The following PAPPA2 variants were observed in gnomAD, a reference collection of about 807,000 sequenced individuals.
PAPPA2 encodes the protein pappalysin 2.
PAPPA2 carries 86 observed loss-of-function variants against 176.4 expected under a neutral mutation model. That is an observed-to-expected ratio of 0.49 (90% CI 0.41 to 0.58). The LOEUF (loss-of-function observed/expected upper bound fraction) is 0.58. Ranked by LOEUF, PAPPA2 falls within the 20% of genes least tolerant of loss-of-function variation. The pLI is 0.00. For missense variants in PAPPA2, 2,073 were observed against 2,256.9 expected (o/e 0.92, Z 1.65); for synonymous variants, 809 against 852.2 (o/e 0.95, Z 0.88).
At chr1:176,753,890 A>G (rs12030283) in intron 14 of PAPPA2, among the ~76,000 whole-genome samples, 2 of 152,102 alleles carry the variant, frequency 1.3e-5, no homozygotes, top group South Asian at 2.1e-4. Context: ...TGATTTGTCC[A>G]TAAAATAAGA....
intron 17 of PAPPA2, among the ~76,000 whole-genome samples, chr1:176,778,023 A>AAAAAC (rs1292224229): frequency 1.3e-5 from 2 of 151,566 alleles, no homozygotes; most frequent in East Asian, 1.9e-4. Context: ...TTCCTATGCT[A>AAAAAC]AAAACAAAAC....
At chr1:176,517,492 G>C (rs1648979781) in intron 1 of PAPPA2, among the ~76,000 whole-genome samples, 1 of 152,132 alleles carries the variant, frequency 6.6e-6, no homozygotes, top group Admixed American at 6.5e-5. Context: ...ATATTAAAAA[G>C]GAAACTATCA....
At chr1:176,710,417 G>T (rs1005312018) in intron 11 of PAPPA2, among the ~76,000 whole-genome samples, 2 of 152,140 alleles carry the variant, frequency 1.3e-5, no homozygotes, top group Admixed American at 1.3e-4. Context: ...AACACCATTT[G>T]CACTGTTTCA....
intron 3 of PAPPA2, among the ~76,000 whole-genome samples, chr1:176,634,805 GATAGATAGATAGAT>G (rs1656571562): frequency 8.0e-6 from 1 of 125,194 alleles, no homozygotes; most frequent in African/African-American, 3.1e-5. Context: ...GAGAGAGATA[GATAGATAGATAGAT>G]AGATAGATAG....
chr1:176,695,689 A>C, intron 6 of PAPPA2, 49 bp from the exon 7 acceptor site: 2 of 1,603,704 alleles, frequency 1.2e-6, no homozygotes, highest in South Asian at 2.2e-5. Flanking sequence ...ATCCCAACTC[A>C]TCTGATGGAC....
chr1:176,628,390 G>A (rs980982669), intron 3 of PAPPA2, among the ~76,000 whole-genome samples: 1 of 152,074 alleles, frequency 6.6e-6, no homozygotes, highest in East Asian at 1.9e-4. Context: ...TTCAATTAAT[G>A]AACTTGTTAT....
intron 1 of PAPPA2, among the ~76,000 whole-genome samples, chr1:176,491,147 A>G (rs1647270230): frequency 6.6e-6 from 1 of 152,232 alleles, no homozygotes; most frequent in Admixed American, 6.5e-5. Context: ...TCAGACATTT[A>G]CTACATGCTG....
intron 1 of PAPPA2, among the ~76,000 whole-genome samples, chr1:176,507,443 C>T (rs1250398563): frequency 6.6e-6 from 1 of 151,968 alleles, no homozygotes; most frequent in Non-Finnish European, 1.5e-5. Flanking sequence ...TGGGTATATA[C>T]CTAAAGGAAA....
At chr1:176,561,273 T>C (rs1053468847) in intron 2 of PAPPA2, among the ~76,000 whole-genome samples, 1 of 152,150 alleles carries the variant, frequency 6.6e-6, no homozygotes, top group Non-Finnish European at 1.5e-5. Flanking sequence ...TAAGACAAAG[T>C]CTTGCAGAGT....
At chr1:176,561,803 C>G (rs1263941370) in intron 2 of PAPPA2, among the ~76,000 whole-genome samples, 1 of 152,124 alleles carries the variant, frequency 6.6e-6, no homozygotes, top group Admixed American at 6.5e-5. Context: ...TAAAGACATA[C>G]CTGAGACTGG....
chr1:176,481,452 C>G (rs1169231107), intron 1 of PAPPA2, among the ~76,000 whole-genome samples: 2 of 151,948 alleles, frequency 1.3e-5, no homozygotes, highest in Non-Finnish European at 2.9e-5. Context: ...CCAGGGACAT[C>G]TAGTGTGGCC....
At chr1:176,810,591 A>C (rs1666106503) in intron 21 of PAPPA2, among the ~76,000 whole-genome samples, 1 of 152,090 alleles carries the variant, frequency 6.6e-6, no homozygotes, top group African/African-American at 2.4e-5. Context: ...CTCTTCCACC[A>C]CTCACCTCCT....
At chr1:176,528,844 T>C (rs1162750897) in intron 1 of PAPPA2, among the ~76,000 whole-genome samples, 2 of 152,164 alleles carry the variant, frequency 1.3e-5, no homozygotes, top group Non-Finnish European at 2.9e-5. Flanking sequence ...CCATGCCTTC[T>C]CCCTGGAATG....
intron 21 of PAPPA2, among the ~76,000 whole-genome samples, chr1:176,816,695 A>G (rs1666419902): frequency 2.0e-5 from 3 of 152,094 alleles, no homozygotes; most frequent in Admixed American, 6.6e-5. Context: ...AACAAATTCA[A>G]GTGTTCACAC....
intron 12 of PAPPA2, among the ~76,000 whole-genome samples, chr1:176,723,106 A>C (rs1433785004): frequency 3.9e-5 from 6 of 152,204 alleles, no homozygotes; most frequent in African/African-American, 1.2e-4. Context: ...GTAGGGCAAA[A>C]GAGAGCATGT....
intron 3 of PAPPA2, among the ~76,000 whole-genome samples, chr1:176,647,856 A>G (rs1486424043): frequency 1.3e-5 from 2 of 151,560 alleles, no homozygotes; most frequent in African/African-American, 4.8e-5. Flanking sequence ...TTTGTAGTGT[A>G]TTTTGAAATC....
intron 1 of PAPPA2, among the ~76,000 whole-genome samples, chr1:176,480,649 CTT>C (rs1384437164): frequency 6.6e-6 from 1 of 151,454 alleles, no homozygotes; most frequent in Non-Finnish European, 1.5e-5. Context: ...TCCTGTACCT[CTT>C]TCTACACTCT....
At chr1:176,684,653 G>T (rs1573248954) in intron 4 of PAPPA2, among the ~76,000 whole-genome samples, 1 of 152,208 alleles carries the variant, frequency 6.6e-6, no homozygotes, top group South Asian at 2.1e-4. Flanking sequence ...TATAAAAAAT[G>T]ATAATCATAT....
intron 17 of PAPPA2, among the ~76,000 whole-genome samples, chr1:176,783,594 T>C (rs1664808415): frequency 1.3e-5 from 2 of 152,240 alleles, no homozygotes; most frequent in South Asian, 4.1e-4. Flanking sequence ...TGTGCTGATT[T>C]GTCTGGAGAA....
Sources: gnomAD v4.1 joint callset for allele counts (sites outside exome capture counted in the v4.1 genomes callset) on GRCh38, gnomAD v4.1.1 for gene constraint, MANE v1.5 for transcripts, NCBI Gene and HGNC (gene_info 2026-07-23, HGNC 2026-07-21) for gene names.